Variants in PCDHGA7 observed in about 807,000 individuals in gnomAD.
PCDHGA7 encodes the protein protocadherin gamma subfamily A, 7.
A neutral mutation model predicts 58.3 loss-of-function variants in PCDHGA7; 44 were observed. That is an observed-to-expected ratio of 0.75 (90% confidence interval 0.59 to 0.97). The LOEUF is 0.97. Among genes scored for constraint, PCDHGA7 ranks in the 50% least tolerant of loss-of-function variants. PCDHGA7 has a pLI of 0.00. For synonymous variants in PCDHGA7, 516 were observed against 504.2 expected, an observed-to-expected ratio of 1.02 and a Z score of -0.31; for missense variants, 1,266 against 1,188.7, an observed-to-expected ratio of 1.06 and a Z score of -0.96.
chr5:141,400,590 T>A, intron 1 of PCDHGA7: 3 of 1,604,846 alleles, frequency 1.9e-6, no homozygotes, highest in Non-Finnish European at 2.6e-6. Context: ...CATGAAACTA[T>A]CGTACATTTT....
At chr5:141,394,151 C>T in intron 1 of PCDHGA7, 2 of 1,613,900 alleles carry the variant, frequency 1.2e-6, no homozygotes, top group Non-Finnish European at 1.7e-6. Context: ...CAGACATTAA[C>T]GACAACCCTC....
intron 1 of PCDHGA7, chr5:141,409,494 C>T (rs755680835): frequency 8.1e-6 from 13 of 1,613,910 alleles, no homozygotes; most frequent in South Asian, 3.3e-5. Context: ...GGCAAGCCGC[C>T]TCTTTCTTCC....
intron 2 of PCDHGA7, among the ~76,000 whole-genome samples, chr5:141,496,631 G>A (rs1434126210): frequency 6.6e-6 from 1 of 152,164 alleles, no homozygotes; most frequent in Admixed American, 6.5e-5. Context: ...CAAAAGGCTT[G>A]GGCTGCCCTT....
intron 1 of PCDHGA7, among the ~76,000 whole-genome samples, chr5:141,453,779 C>T (rs138335951): frequency 0.013 from 2,000 of 152,278 alleles, 24 homozygotes; most frequent in Non-Finnish European, 0.021. Flanking sequence ...ATTTTAGTTA[C>T]CATGGTATAT....
chr5:141,403,634 A>T, intron 1 of PCDHGA7: 1 of 1,613,920 alleles, frequency 6.2e-7, no homozygotes, highest in Non-Finnish European at 8.5e-7. Flanking sequence ...CACAGTGCGC[A>T]TCCATGTGAC....
chr5:141,404,466 TCTCTATTAA>T, intron 1 of PCDHGA7: 5 of 1,613,558 alleles, frequency 3.1e-6, no homozygotes, highest in Non-Finnish European at 4.2e-6. Context: ...TCCACCTATG[TCTCTATTAA>T]CTCAGACACT....
chr5:141,433,305 C>T, intron 1 of PCDHGA7: 1 of 931,032 alleles, frequency 1.1e-6, no homozygotes, highest in Non-Finnish European at 1.6e-6. Flanking sequence ...GCAATTATCC[C>T]ACCTTTGCCT....
At chr5:141,392,577 T>C in intron 1 of PCDHGA7, 1 of 462,996 alleles carries the variant, frequency 2.2e-6, no homozygotes. Context: ...TTTAGGACTG[T>C]AAGCGCCGCT....
At chr5:141,496,479 CAACCAACCA>C (rs1199646129) in intron 2 of PCDHGA7, among the ~76,000 whole-genome samples, 1 of 152,180 alleles carries the variant, frequency 6.6e-6, no homozygotes, top group Non-Finnish European at 1.5e-5. Context: ...CCCCATCCTG[CAACCAACCA>C]AACCCTTGTT....
chr5:141,421,468 C>A (rs759548375), intron 1 of PCDHGA7: 9 of 1,614,096 alleles, frequency 5.6e-6, no homozygotes, highest in Non-Finnish European at 5.9e-6. Flanking sequence ...TGTGAATCCG[C>A]GAAGCGGCAG....
intron 1 of PCDHGA7, chr5:141,424,728 G>A (rs907091181): frequency 1.3e-5 from 2 of 152,102 alleles, no homozygotes; most frequent in African/African-American, 2.4e-5. Flanking sequence ...GGGAGTCATA[G>A]ATTCCTTCTT....
chr5:141,510,209 G>T (rs1294961681), intron 3 of PCDHGA7, among the ~76,000 whole-genome samples: 12 of 151,440 alleles, frequency 7.9e-5, no homozygotes, highest in African/African-American at 2.9e-4. Flanking sequence ...GGAGGCAGAG[G>T]TTGCAGTGAG....
intron 1 of PCDHGA7, among the ~76,000 whole-genome samples, chr5:141,438,655 T>G (rs1436221152): frequency 7.1e-6 from 1 of 140,042 alleles, no homozygotes; most frequent in East Asian, 2.1e-4. Flanking sequence ...CACACACATA[T>G]ATGTATATAT....
chr5:141,441,923 C>A, intron 1 of PCDHGA7: 2 of 351,136 alleles, frequency 5.7e-6, no homozygotes, highest in Non-Finnish European at 5.5e-6. Context: ...AGACACAATG[C>A]GTGGCTGTCC....
chr5:141,486,714 C>G lies in PCDHGA7; in HGVS notation c.2425-8093C>G. On this transcript the variant is annotated intron_variant, in intron 1 of 3. Transcript: ENST00000518325. This position sits in a 1 kb window ranked among gnomAD's most constrained non-coding sequence, Gnocchi z 5.0. ...TCTTTCATCTCTCTGAACCCCCAGA[C>G]AGGAGCTGTTCATGCTACTCGATCC... 1.2e-6 allele frequency: 2 copies of G among 1,614,216 alleles called. No individual in the cohort carries two copies. Among genetic ancestry groups the G allele is most frequent in the African/African-American group, 1.3e-5 (1 of 75,062 alleles).
chr5:141,464,043 T>C (rs2099074643), intron 1 of PCDHGA7, among the ~76,000 whole-genome samples: 2 of 152,074 alleles, frequency 1.3e-5, no homozygotes, highest in African/African-American at 4.8e-5. Context: ...GGCGGGTGGA[T>C]CACCTGAGGT....
At chr5:141,423,228 CA>C in intron 1 of PCDHGA7, 1 of 1,613,866 alleles carries the variant, frequency 6.2e-7, no homozygotes, top group Non-Finnish European at 8.5e-7. Flanking sequence ...CTGTGGCCGA[CA>C]GCATCCCCGA....
chr5:141,427,871 G>T, intron 1 of PCDHGA7: 1 of 1,559,532 alleles, frequency 6.4e-7, no homozygotes, highest in Non-Finnish European at 8.8e-7. Flanking sequence ...TCGAGCTCAC[G>T]ATGCAGGCCC....
At chr5:141,422,989 C>T (rs777558098) in intron 1 of PCDHGA7, 1 of 1,614,232 alleles carries the variant, frequency 6.2e-7, no homozygotes, top group African/African-American at 1.3e-5. Flanking sequence ...ACCTGGCTAC[C>T]TGGTGACCAA....
Sources: gnomAD v4.1 joint callset for allele counts (sites outside exome capture counted in the v4.1 genomes callset) on GRCh38, gnomAD v4.1.1 for gene constraint, Gnocchi (gnomAD v3.1) non-coding constraint, MANE v1.5 for transcripts, NCBI Gene and HGNC (gene_info 2026-07-23, HGNC 2026-07-21) for gene names.